OSBPL8: variants seen among roughly 807,000 people sequenced by gnomAD.
OSBPL8 encodes oxysterol-binding protein-related protein 8.
In OSBPL8, 59 loss-of-function variants were observed where a neutral mutation model predicts 125.5. That is an observed-to-expected ratio of 0.47 (90% confidence interval 0.38 to 0.58). The LOEUF (loss-of-function observed/expected upper bound fraction) is 0.58, where lower values mean the gene tolerates loss of function less well. Among genes scored for constraint, OSBPL8 ranks in the 20% least tolerant of loss-of-function variants. The pLI is 0.00. For synonymous variants in OSBPL8, 330 were observed against 338.9 expected (o/e 0.97, Z 0.29); for missense variants, 758 against 1,047.8 (o/e 0.72, Z 3.82).
At chr12:76,411,616 A>C (rs1954516972) in intron 4 of OSBPL8, among the ~76,000 whole-genome samples, 1 of 152,028 alleles carries the variant, frequency 6.6e-6, no homozygotes, top group Non-Finnish European at 1.5e-5. Context: ...TTAATCAGAT[A>C]TTTTACTGAA....
intron 2 of OSBPL8, among the ~76,000 whole-genome samples, chr12:76,477,771 C>T (rs1013859291): frequency 2.0e-5 from 3 of 151,558 alleles, no homozygotes; most frequent in African/African-American, 4.9e-5. Flanking sequence ...TCCTAATAGG[C>T]GAAGGGGGGG....
Position 76,397,781 on chromosome 12 carries a change from G to A in OSBPL8, c.585C>T (p.Ala195=). Residue 195 remains alanine (A), a synonymous_variant, in exon 8 of 24, where the codon GCC becomes GCT. Coordinates refer to ENST00000261183, the MANE Select transcript of OSBPL8 (RefSeq NM_020841.5). Reference sequence around the variant, plus strand: ...TTGATGGACGTTCAATGATTTCACAGGCATTCAGAAGAACTGTTCCTACCC... The same window carrying A: ...TTGATGGACGTTCAATGATTTCACAAGCATTCAGAAGAACTGTTCCTACCC... The part of the protein sequence containing the change: ...GQWVGTVLLN[A]CEIIERPSKK... 6.2e-7 allele frequency: 1 copy of A among 1,614,074 alleles called. No homozygotes were observed. The highest frequency in any genetic ancestry group is 8.5e-7 in the Non-Finnish European group (1 of 1,180,006).
intron 5 of OSBPL8, among the ~76,000 whole-genome samples, chr12:76,406,764 T>C (rs1259097591): frequency 6.6e-6 from 1 of 152,080 alleles, no homozygotes; most frequent in Non-Finnish European, 1.5e-5. Flanking sequence ...CACAGGAACA[T>C]GCCACCACGT....
At chr12:76,373,506 A>C in intron 17 of OSBPL8, 73 bp from the exon 18 acceptor site, 1 of 1,123,956 alleles carries the variant, frequency 8.9e-7, no homozygotes, top group Non-Finnish European at 1.3e-6. Context: ...CAAAACAAAA[A>C]ACCCAACAAA....
chr12:76,458,909 C>T (rs2136810889), intron 3 of OSBPL8, among the ~76,000 whole-genome samples: 1 of 152,198 alleles, frequency 6.6e-6, no homozygotes, highest in East Asian at 1.9e-4. Flanking sequence ...TTGCAATAAT[C>T]AGATAATTGT....
In OSBPL8 at chr12:76,450,839, A is replaced by G. The variant is rs1023413072; in HGVS notation, c.217+12T>C. 8 of 1,594,474 alleles carry G rather than the reference A, an allele frequency of 5.0e-6. No individual in the cohort carries two copies. Among genetic ancestry groups the G allele is most frequent in the Non-Finnish European group, 6.8e-6 (8 of 1,171,150 alleles). ...AAAAACAAGACAAAACATGAAAACC[A>G]CAACTTCCTACCCTGGCTATGAGGA... On this transcript the variant is annotated intron_variant, in intron 4 of 23. Transcript: ENST00000261183.
intron 1 of OSBPL8, among the ~76,000 whole-genome samples, chr12:76,546,428 G>A (rs958099842): frequency 6.6e-6 from 1 of 151,892 alleles, no homozygotes; most frequent in African/African-American, 2.4e-5. Flanking sequence ...AATAATAAGA[G>A]CCATCATTTC....
intron 4 of OSBPL8, among the ~76,000 whole-genome samples, chr12:76,444,751 G>T (rs556133522): frequency 6.6e-6 from 1 of 152,244 alleles, no homozygotes; most frequent in African/African-American, 2.4e-5. Context: ...ATGTTACTGA[G>T]CCTCACCCTT....
At chr12:76,468,808 T>C (rs895606130) in intron 2 of OSBPL8, among the ~76,000 whole-genome samples, 1 of 152,240 alleles carries the variant, frequency 6.6e-6, no homozygotes, top group Admixed American at 6.5e-5. Flanking sequence ...TGCTGTCAAA[T>C]AGAACTTTCT....
At chr12:76,536,660 T>C (rs930144316) in intron 1 of OSBPL8, among the ~76,000 whole-genome samples, 3 of 151,942 alleles carry the variant, frequency 2.0e-5, no homozygotes, top group African/African-American at 7.3e-5. Flanking sequence ...GATGCCACTT[T>C]TGAAAAGAGA....
intron 19 of OSBPL8, among the ~76,000 whole-genome samples, chr12:76,370,859 A>C (rs146514743): frequency 1.3e-5 from 2 of 152,334 alleles, no homozygotes; most frequent in Non-Finnish European, 2.9e-5. Context: ...TCTCTTATAC[A>C]TAAGTCTCTT....
At chr12:76,386,328 A>C in intron 13 of OSBPL8, 62 bp from the exon 14 acceptor site, 2 of 1,532,766 alleles carry the variant, frequency 1.3e-6, no homozygotes, top group Non-Finnish European at 1.7e-6. Flanking sequence ...AATAGTTTAA[A>C]CTAGTCAAAA....
chr12:76,514,206 G>A (rs745616916), intron 1 of OSBPL8, among the ~76,000 whole-genome samples: 59 of 152,022 alleles, frequency 3.9e-4, no homozygotes, highest in African/African-American at 7.5e-4. Flanking sequence ...CTGCAGTGGC[G>A]CGATCTCAGC....
chr12:76,515,489 T>C (rs1881439897), intron 1 of OSBPL8, among the ~76,000 whole-genome samples: 1 of 152,152 alleles, frequency 6.6e-6, no homozygotes, highest in South Asian at 2.1e-4. Context: ...TACTGGTCAG[T>C]TGGTAGAATC....
chr12:76,542,086 G>A (rs1275097933), intron 1 of OSBPL8, among the ~76,000 whole-genome samples: 2 of 152,196 alleles, frequency 1.3e-5, no homozygotes, highest in East Asian at 1.9e-4. Flanking sequence ...CAGGAGAATC[G>A]CTTGAACCCA....
intron 2 of OSBPL8, among the ~76,000 whole-genome samples, chr12:76,466,526 C>A (rs2136882032): frequency 6.6e-6 from 1 of 152,302 alleles, no homozygotes; most frequent in South Asian, 2.1e-4. Context: ...GTGATTTAAT[C>A]TCATATACTT....
chr12:76,375,157 C>T, intron 17 of OSBPL8, 116 bp downstream of exon 17: 1 of 653,788 alleles, frequency 1.5e-6, no homozygotes, highest in Non-Finnish European at 2.5e-6. Flanking sequence ...CTTGACATGA[C>T]ATAAATTGTG....
At chr12:76,379,192 TA>T (rs1289910646) in intron 15 of OSBPL8, among the ~76,000 whole-genome samples, 1 of 152,186 alleles carries the variant, frequency 6.6e-6, no homozygotes, top group Non-Finnish European at 1.5e-5. Flanking sequence ...ATAAAACCAT[TA>T]TTTTTTAGCT....
At chr12:76,422,663 G>T (rs1405017965) in intron 4 of OSBPL8, 1 of 456,192 alleles carries the variant, frequency 2.2e-6, no homozygotes, top group Non-Finnish European at 4.4e-6. Flanking sequence ...AGCTCAGAAG[G>T]TCTATTTAAT....
Sources: allele counts gnomAD v4.1 joint callset (sites outside exome capture counted in the v4.1 genomes callset), GRCh38; gene constraint gnomAD v4.1.1; transcripts MANE v1.5; gene names NCBI Gene and HGNC (gene_info 2026-07-23, HGNC 2026-07-21).